Variants in KCNAB2 observed in about 807,000 individuals in gnomAD.
KCNAB2 encodes potassium voltage-gated channel subfamily A regulatory beta subunit 2, also known as voltage-gated potassium channel subunit beta-2.
In KCNAB2, 29 loss-of-function variants were observed where a neutral mutation model predicts 63.6. The observed-to-expected ratio is 0.46, with a 90% CI of 0.34 to 0.62. KCNAB2 has a LOEUF of 0.62. Ranked by LOEUF, KCNAB2 falls within the 20% of genes least tolerant of loss-of-function variation. The probability of loss-of-function intolerance (pLI) is 0.01; values close to 1 mark genes in which losing one functional copy is unlikely to be tolerated. For missense variants in KCNAB2, 359 were observed against 563.9 expected (o/e 0.64, Z 3.68); for synonymous variants, 222 against 224.2 (o/e 0.99, Z 0.09).
At chr1:6,094,639 G>A (rs1273537514) in intron 11 of KCNAB2, among the ~76,000 whole-genome samples, 154 bp downstream of exon 11, 2 of 152,264 alleles carry the variant, frequency 1.3e-5, no homozygotes, top group African/African-American at 2.4e-5. Context: ...GGAGTGTGGT[G>A]GTTATGTCTG....
rs542336318 is a variant in KCNAB2 at position 6,072,814 on chromosome 1, C to A, written c.262+16C>A. Reference sequence around the variant, plus strand: ...CTGGGACTTGGTGAGTGTGGGGGTCCCCTCCGTCCCACCAGGGAAACAGGC... The same window carrying A: ...CTGGGACTTGGTGAGTGTGGGGGTCACCTCCGTCCCACCAGGGAAACAGGC... On this transcript the variant is annotated intron_variant, in intron 3 of 15. Transcript: ENST00000378083. 6.2e-7 allele frequency: 1 copy of A among 1,612,598 alleles called. No homozygotes were observed. Among genetic ancestry groups the A allele is most frequent in the South Asian group, 1.1e-5 (1 of 90,958 alleles).
Position 6,049,156 on chromosome 1 carries a change from G to A in KCNAB2, c.-26-2355G>A, listed in dbSNP as rs531652377. ...GGGCCTGAGGCAGGAAGCCAGCCCC[G>A]CCCCCACCAACAGCTGCCTGGCACT... On this transcript the variant is annotated intron_variant, in intron 1 of 15. Transcript: ENST00000378083. Among the ~76,000 whole-genome samples, 19 of 152,300 alleles carry A rather than the reference G, an allele frequency of 1.2e-4. 1 individual carries two copies. The South Asian group carries it at 2.7e-3, about 22-fold the overall frequency.
chr1:6,041,784 C>G (rs370171854), upstream of KCNAB2: 2 of 1,561,538 alleles, frequency 1.3e-6, no homozygotes, highest in Non-Finnish European at 1.8e-6. Flanking sequence ...GACTCTCTCT[C>G]TTCTCTCCCT....
In KCNAB2 at chr1:6,045,940, G is replaced by A. The variant is rs534696786; in HGVS notation, c.-270G>A. Reference sequence around the variant, plus strand: ...AACTGCACTTCCCGAGCTTTTAGGGGAAGAGGCACTCGTGAATAATTCAGC... The same window carrying A: ...AACTGCACTTCCCGAGCTTTTAGGGAAAGAGGCACTCGTGAATAATTCAGC... On this transcript the variant is annotated 5_prime_UTR_variant, in exon 1 of 16. Coordinates refer to ENST00000378083, the MANE Select transcript of KCNAB2 (RefSeq NM_001199862.2). The surrounding 1 kb of genome is among the most constrained non-coding windows in gnomAD (Gnocchi z 4.8). 2 of 985,414 alleles carry A rather than the reference G, an allele frequency of 2.0e-6. No homozygotes were observed. Among genetic ancestry groups the A allele is most frequent in the South Asian group, 4.7e-5 (1 of 21,280 alleles). 61.0% of individuals were successfully genotyped at this position (985,414 alleles called of 1,614,324 possible).
chr1:6,099,726 C>G lies in KCNAB2; in HGVS notation c.*1152C>G. 6.9e-7 allele frequency: 1 copy of G among 1,442,908 alleles called. No individual in the cohort carries two copies. The highest frequency in any genetic ancestry group is 2.5e-5 in the East Asian group (1 of 39,662). 89.4% of individuals were successfully genotyped at this position (1,442,908 alleles called of 1,614,324 possible). ...CTTGGGGGCTGCACCCCCACAGCAC[C>G]CCCACAATGTAGGAAAAGACCTCAG... On this transcript the variant is annotated 3_prime_UTR_variant, in exon 16 of 16. Coordinates refer to ENST00000378083, the MANE Select transcript of KCNAB2 (RefSeq NM_001199862.2).
chr1:6,073,873 A>C lies in KCNAB2; in HGVS notation c.300+103A>C. ...CAGTGAGCACGTGCTCCCGGGAGCCAGCGCAGCAGCCTCCCTCCCTCTTTC... is the reference window on the plus strand; with the variant it reads ...CAGTGAGCACGTGCTCCCGGGAGCCCGCGCAGCAGCCTCCCTCCCTCTTTC... On this transcript the variant is annotated intron_variant, in intron 4 of 15. Coordinates refer to ENST00000378083, the MANE Select transcript of KCNAB2 (RefSeq NM_001199862.2). This position sits in a 1 kb window ranked among gnomAD's most constrained non-coding sequence, Gnocchi z 5.7. 4 of 1,173,130 alleles carry C rather than the reference A, an allele frequency of 3.4e-6. No homozygotes were observed. Among genetic ancestry groups the C allele is most frequent in the Non-Finnish European group, 5.1e-6 (4 of 785,422 alleles). The allele number at this position is 1,173,130 out of a possible 1,614,324, so 72.7% of individuals were successfully genotyped here. A position where few individuals can be genotyped will look rare whatever the true frequency, so the allele number is the denominator to read the frequency against.
At chr1:6,008,842 G>A (rs1657982455) in intron 1 of KCNAB2, among the ~76,000 whole-genome samples, 1 of 152,176 alleles carries the variant, frequency 6.6e-6, no homozygotes, top group Non-Finnish European at 1.5e-5. Flanking sequence ...TGGGGGACTT[G>A]TTTCCGTGGG....
intron 1 of KCNAB2, among the ~76,000 whole-genome samples, chr1:5,998,112 C>T (rs943517040): frequency 2.0e-5 from 3 of 152,204 alleles, no homozygotes; most frequent in Non-Finnish European, 2.9e-5. Flanking sequence ...TGGAAAAGGG[C>T]TCTGCATGGG....
chr1:6,057,093 A>G (rs968702756), intron 2 of KCNAB2, among the ~76,000 whole-genome samples: 2 of 150,632 alleles, frequency 1.3e-5, no homozygotes, highest in African/African-American at 2.4e-5. Context: ...TCCAAAGCAC[A>G]TGTCTCGTTC....
rs893767769 is a variant in KCNAB2 at position 6,098,627 on chromosome 1, C to T, written c.*53C>T. The T allele has an allele frequency of 1.1e-5, 18 of 1,593,554 alleles. No individual in the cohort carries two copies. The highest frequency in any genetic ancestry group is 8.9e-5 in the Admixed American group (5 of 56,192). Reference sequence around the variant, plus strand: ...TTTCCGTTCCCTCCTAGTCTCTGTTCGCTCGCTTAAGCTGTTTTGAAGCCA... The same window carrying T: ...TTTCCGTTCCCTCCTAGTCTCTGTTTGCTCGCTTAAGCTGTTTTGAAGCCA... On this transcript the variant is annotated 3_prime_UTR_variant, in exon 16 of 16. Coordinates refer to ENST00000378083, the MANE Select transcript of KCNAB2 (RefSeq NM_001199862.2).
intron 1 of KCNAB2, among the ~76,000 whole-genome samples, chr1:6,037,975 C>G (rs867767511): frequency 1.3e-5 from 2 of 149,594 alleles, no homozygotes; most frequent in Admixed American, 6.7e-5. Context: ...CCCGGGTTCA[C>G]GCCATTCTCC....
At chr1:6,065,817 C>T (rs1386109690) in intron 2 of KCNAB2, among the ~76,000 whole-genome samples, 1 of 152,294 alleles carries the variant, frequency 6.6e-6, no homozygotes, top group East Asian at 1.9e-4. Context: ...CCCCCAACCT[C>T]CAGCCGCGCT....
chr1:6,084,617 A>T (rs966206380), intron 5 of KCNAB2, among the ~76,000 whole-genome samples: 5 of 152,260 alleles, frequency 3.3e-5, no homozygotes, highest in South Asian at 2.1e-4. Flanking sequence ...GGAGTTCGAG[A>T]CCAGCCTGGC....
chr1:6,025,760 G>C (rs761990363), intron 1 of KCNAB2, among the ~76,000 whole-genome samples: 1 of 152,150 alleles, frequency 6.6e-6, no homozygotes, highest in African/African-American at 2.4e-5. Flanking sequence ...CTGTAGCATG[G>C]GGGGGCAGCA....
At chr1:6,039,129 C>T (rs1054670360) in intron 1 of KCNAB2, among the ~76,000 whole-genome samples, 4 of 151,916 alleles carry the variant, frequency 2.6e-5, no homozygotes, top group Admixed American at 6.5e-5. Context: ...GCCCCACAGT[C>T]GGGGCTCATG....
chr1:6,080,491 C>T (rs1476643379), intron 4 of KCNAB2, among the ~76,000 whole-genome samples: 1 of 152,148 alleles, frequency 6.6e-6, no homozygotes, highest in Non-Finnish European at 1.5e-5. Context: ...CAACAGAGCC[C>T]CGGCAGGTGG....
At chr1:6,001,205 A>G (rs910204520) in intron 1 of KCNAB2, among the ~76,000 whole-genome samples, 1 of 151,996 alleles carries the variant, frequency 6.6e-6, no homozygotes, top group African/African-American at 2.4e-5. Context: ...GGGAAGCTGA[A>G]CAGGGTCCCT....
At chr1:6,042,661 TCTGGC>T (rs1660587849), upstream of KCNAB2, among the ~76,000 whole-genome samples, 1 of 152,198 alleles carries the variant, frequency 6.6e-6, no homozygotes, top group Non-Finnish European at 1.5e-5. Flanking sequence ...TGGCACGGCT[TCTGGC>T]AGCAGGTCCC....
chr1:6,000,450 G>A (rs1417437074), intron 1 of KCNAB2, among the ~76,000 whole-genome samples: 1 of 152,170 alleles, frequency 6.6e-6, no homozygotes, highest in Non-Finnish European at 1.5e-5. Context: ...CAGTGGGGGT[G>A]TCCAGGGGAC....
Sources: gnomAD v4.1 joint callset for allele counts (sites outside exome capture counted in the v4.1 genomes callset) on GRCh38, gnomAD v4.1.1 for gene constraint, Gnocchi (gnomAD v3.1) non-coding constraint, MANE v1.5 for transcripts, NCBI Gene and HGNC (gene_info 2026-07-23, HGNC 2026-07-21) for gene names.